The following ITCH variants were observed in gnomAD, a reference collection of about 807,000 sequenced individuals.
ITCH encodes the protein E3 ubiquitin-protein ligase Itchy homolog.
In ITCH, 28 loss-of-function variants were observed where a neutral mutation model predicts 126.8. The observed-to-expected ratio is 0.22, with a 90% confidence interval of 0.16 to 0.30. ITCH has a LOEUF of 0.30. Ranked by LOEUF, ITCH falls within the 10% of genes least tolerant of loss-of-function variation. The pLI, the probability that ITCH is intolerant of heterozygous loss-of-function variation, is 1.00. For missense variants in ITCH, 631 were observed against 1,032.4 expected (o/e 0.61, Z 5.33); for synonymous variants, 342 against 340.0 (o/e 1.01, Z -0.06).
rs1987012485 is a variant in ITCH, at chr20:34,465,918, T to C, written c.1424+3697T>C. ...TATTTATTTATTTTTCTTGCTTAATTCCTCTGGCTAGAGCTTCTGGATACT... is the reference window on the plus strand; with the variant it reads ...TATTTATTTATTTTTCTTGCTTAATCCCTCTGGCTAGAGCTTCTGGATACT... On this transcript the variant is annotated intron_variant, in intron 14 of 24. Transcript: ENST00000374864. Among the ~76,000 whole-genome samples the C allele has an allele frequency of 2.0e-5, 3 of 152,124 alleles. No individual in the cohort carries two copies. In the South Asian group the frequency reaches 6.2e-4, roughly 32 times the overall value.
At chr20:34,450,554 C>T (rs1985070779) in intron 12 of ITCH, among the ~76,000 whole-genome samples, 1 of 152,104 alleles carries the variant, frequency 6.6e-6, no homozygotes, top group Admixed American at 6.5e-5. Context: ...ATACTCACAG[C>T]ATTATATAGC....
At chr20:34,486,801 C>T (rs1328507814) in intron 20 of ITCH, among the ~76,000 whole-genome samples, 2 of 151,058 alleles carry the variant, frequency 1.3e-5, no homozygotes, top group Non-Finnish European at 2.9e-5. Context: ...GAAGTTCAAG[C>T]GATCCTCTAG....
intron 7 of ITCH, 29 bp from the exon 8 acceptor site, chr20:34,438,445 C>T: frequency 1.2e-6 from 2 of 1,611,790 alleles, no homozygotes; most frequent in Non-Finnish European, 8.5e-7. Context: ...TTTCCCTCTC[C>T]CCCTTCCTTT....
intron 7 of ITCH, among the ~76,000 whole-genome samples, chr20:34,429,067 A>G (rs1033637132): frequency 6.6e-6 from 1 of 151,506 alleles, no homozygotes; most frequent in Non-Finnish European, 1.5e-5. Flanking sequence ...CCTTTCAAGT[A>G]GCTGGGATTA....
At chr20:34,487,696 T>C (rs1000847815) in intron 20 of ITCH, among the ~76,000 whole-genome samples, 4 of 152,160 alleles carry the variant, frequency 2.6e-5, no homozygotes, top group Non-Finnish European at 5.9e-5. Context: ...TCCAGCACTT[T>C]GGGAGGCTGA....
At chr20:34,476,533 T>G (rs1988249579) in intron 16 of ITCH, 1 of 1,026,322 alleles carries the variant, frequency 9.7e-7, no homozygotes, top group South Asian at 5.0e-5. Context: ...CTTGTGACAT[T>G]TCTCATTTGC....
chr20:34,385,197 G>A (rs2038228669), intron 2 of ITCH, among the ~76,000 whole-genome samples: 1 of 134,922 alleles, frequency 7.4e-6, no homozygotes, highest in Admixed American at 7.5e-5. Context: ...TTATGTGTGT[G>A]TGTGTGTGTG....
intron 10 of ITCH, among the ~76,000 whole-genome samples, chr20:34,444,399 C>T (rs1007489853): frequency 6.6e-6 from 1 of 152,140 alleles, no homozygotes; most frequent in Non-Finnish European, 1.5e-5. Flanking sequence ...GCCTGACCAA[C>T]ATGGAGAAAC....
intron 12 of ITCH, among the ~76,000 whole-genome samples, chr20:34,451,408 C>T (rs1600372801): frequency 6.6e-6 from 1 of 151,728 alleles, no homozygotes; most frequent in East Asian, 1.9e-4. Flanking sequence ...TTCAGAGAGT[C>T]GAGATCACAC....
intron 20 of ITCH, among the ~76,000 whole-genome samples, chr20:34,488,504 G>C (rs899885123): frequency 6.6e-6 from 1 of 152,124 alleles, no homozygotes; most frequent in Non-Finnish European, 1.5e-5. Context: ...TTAAGGTCAG[G>C]AGTTCAAGAC....
rs185207522 is a variant in ITCH at position 34,457,518 on chromosome 20, A to G, written c.1295+44A>G. On this transcript the variant is annotated intron_variant, in intron 13 of 24. Transcript: ENST00000374864. ...GTATATTTAATCTCTTAAAGATTAT[A>G]CCTTATTTCTAACAACTGAAGAAGA... is the stretch of plus-strand genomic sequence containing the variant. 1.1e-4 allele frequency: 145 copies of G among 1,285,372 alleles called. No individual in the cohort carries two copies. In the African/African-American group the frequency reaches 2.0e-3, roughly 18 times the overall value. 79.6% of individuals were successfully genotyped at this position (1,285,372 alleles called of 1,614,324 possible).
intron 9 of ITCH, among the ~76,000 whole-genome samples, chr20:34,441,264 C>T (rs1983714084): frequency 6.6e-6 from 1 of 152,086 alleles, no homozygotes; most frequent in South Asian, 2.1e-4. Context: ...AAGAGCAAAA[C>T]TCCATCTTGG....
chr20:34,419,925 T>A (rs1399486028), intron 6 of ITCH, among the ~76,000 whole-genome samples: 1 of 152,220 alleles, frequency 6.6e-6, no homozygotes, highest in East Asian at 1.9e-4. Context: ...TTAGCTTTTT[T>A]TTTTTAAACC....
intron 24 of ITCH, 55 bp from the exon 25 acceptor site, chr20:34,507,640 C>T (rs992077575): frequency 2.3e-6 from 3 of 1,329,666 alleles, no homozygotes; most frequent in Non-Finnish European, 3.2e-6. Flanking sequence ...TACTACACTA[C>T]TCATTTGATT....
intron 23 of ITCH, among the ~76,000 whole-genome samples, chr20:34,501,118 T>C (rs1368914689): frequency 6.6e-6 from 1 of 152,216 alleles, no homozygotes; most frequent in Non-Finnish European, 1.5e-5. Context: ...TAGTTTAAAC[T>C]TCCACCCAGC....
chr20:34,375,181 AC>A (rs2037789613), intron 2 of ITCH, among the ~76,000 whole-genome samples: 2 of 151,256 alleles, frequency 1.3e-5, no homozygotes, highest in African/African-American at 4.9e-5. Flanking sequence ...AGCTGGGTTT[AC>A]AGGTGTGTGC....
At chr20:34,404,831 A>G (rs1280187219) in intron 3 of ITCH, among the ~76,000 whole-genome samples, 1 of 151,804 alleles carries the variant, frequency 6.6e-6, no homozygotes. Context: ...GTGCTCCTCC[A>G]CCCCCATGTA....
At chr20:34,404,621 T>C (rs1316738696) in intron 3 of ITCH, among the ~76,000 whole-genome samples, 2 of 152,066 alleles carry the variant, frequency 1.3e-5, no homozygotes, top group African/African-American at 2.4e-5. Flanking sequence ...GGTTTCACCA[T>C]GTTTGTCAAG....
At chr20:34,459,477 T>G (rs989631104) in intron 13 of ITCH, among the ~76,000 whole-genome samples, 19 of 152,180 alleles carry the variant, frequency 1.2e-4, no homozygotes, top group Non-Finnish European at 7.4e-5. Context: ...TCCCACAGCC[T>G]TGACTGTCCA....
Sources: allele counts gnomAD v4.1 joint callset (sites outside exome capture counted in the v4.1 genomes callset), GRCh38; gene constraint gnomAD v4.1.1; transcripts MANE v1.5; gene names NCBI Gene and HGNC (gene_info 2026-07-23, HGNC 2026-07-21).